RABGAP1L: variants seen among roughly 807,000 people sequenced by gnomAD.
RABGAP1L encodes rab GTPase-activating protein 1-like.
Under a neutral mutation model 137.7 loss-of-function variants are expected in RABGAP1L, and 63 were observed. That is an observed-to-expected ratio of 0.46 (90% CI 0.37 to 0.56). RABGAP1L has a LOEUF of 0.56. Ranked by LOEUF, RABGAP1L falls within the 20% of genes least tolerant of loss-of-function variation. The pLI is 0.00. For missense variants in RABGAP1L, 1,095 were observed against 1,244.0 expected, an observed-to-expected ratio of 0.88 and a Z score of 1.80; for synonymous variants, 431 against 433.7, an observed-to-expected ratio of 0.99 and a Z score of 0.08.
intron 1 of RABGAP1L, among the ~76,000 whole-genome samples, chr1:174,203,267 T>C (rs1263582429): frequency 6.6e-6 from 1 of 152,154 alleles, no homozygotes; most frequent in African/African-American, 2.4e-5. Context: ...TAGGGAGTCT[T>C]TTCCCCATTG....
At chr1:174,558,177 G>A (rs750162522) in intron 13 of RABGAP1L, among the ~76,000 whole-genome samples, 2 of 152,100 alleles carry the variant, frequency 1.3e-5, no homozygotes, top group African/African-American at 4.8e-5. Context: ...TTTGAGGCAC[G>A]GATATATCTC....
chr1:174,679,507 T>A (rs761261648), intron 14 of RABGAP1L, among the ~76,000 whole-genome samples: 4 of 152,204 alleles, frequency 2.6e-5, no homozygotes, highest in Non-Finnish European at 5.9e-5. Flanking sequence ...ACTTCTAAGA[T>A]CTGGAAGAAG....
intron 13 of RABGAP1L, among the ~76,000 whole-genome samples, chr1:174,602,388 A>T (rs1670479370): frequency 6.6e-6 from 1 of 152,100 alleles, no homozygotes; most frequent in African/African-American, 2.4e-5. Flanking sequence ...TATTCACTAC[A>T]CCAGAATAGC....
chr1:174,637,245 T>G, intron 13 of RABGAP1L, 130 bp from the exon 14 acceptor site: 1 of 636,054 alleles, frequency 1.6e-6, no homozygotes, highest in Non-Finnish European at 2.7e-6. Flanking sequence ...GGGTCTGGGA[T>G]AGAAGGGAAG....
intron 7 of RABGAP1L, among the ~76,000 whole-genome samples, chr1:174,264,244 G>C (rs1466529748): frequency 2.6e-5 from 4 of 151,378 alleles, no homozygotes; most frequent in Admixed American, 2.6e-4. Context: ...TATATATTTA[G>C]GTGAATTATT....
chr1:174,781,256 G>A (rs1267239805), intron 18 of RABGAP1L, among the ~76,000 whole-genome samples: 1 of 152,020 alleles, frequency 6.6e-6, no homozygotes, highest in African/African-American at 2.4e-5. Flanking sequence ...TTTAATGATC[G>A]CCATTCTAAC....
chr1:174,730,265 A>G (rs2148619162), intron 17 of RABGAP1L, among the ~76,000 whole-genome samples: 1 of 152,324 alleles, frequency 6.6e-6, no homozygotes, highest in South Asian at 2.1e-4. Context: ...CTACTCAGGG[A>G]CATAAAGATA....
chr1:174,702,783 G>C (rs1395350582), intron 17 of RABGAP1L, among the ~76,000 whole-genome samples: 5 of 151,932 alleles, frequency 3.3e-5, no homozygotes, highest in African/African-American at 9.7e-5. Flanking sequence ...TCAAAAATTA[G>C]TTTGTAAAAT....
rs561979858 is a variant in RABGAP1L, at chr1:174,971,360, G to T, written c.2544+1973G>T. On this transcript the variant is annotated intron_variant, in intron 21 of 25. Transcript: ENST00000681986. ...CCAAGAGAACCCTTTATGTGAGTCAGTCTGGAGTGACTGCCATTATAGGTA... is the reference window on the plus strand; with the variant it reads ...CCAAGAGAACCCTTTATGTGAGTCATTCTGGAGTGACTGCCATTATAGGTA... Among the ~76,000 whole-genome samples the T allele has an allele frequency of 7.2e-5, 11 of 152,084 alleles. No homozygotes were observed. In the East Asian group the frequency reaches 2.1e-3, roughly 29 times the overall value.
chr1:174,605,623 G>A (rs776462052), intron 13 of RABGAP1L, among the ~76,000 whole-genome samples: 2 of 152,044 alleles, frequency 1.3e-5, no homozygotes, highest in Non-Finnish European at 2.9e-5. Context: ...GGTCACAAAA[G>A]TTTTGGCACC....
intron 19 of RABGAP1L, among the ~76,000 whole-genome samples, chr1:174,921,097 A>AT (rs996084034): frequency 7.9e-5 from 12 of 151,938 alleles, no homozygotes; most frequent in South Asian, 2.1e-4. Context: ...TAATTTTTGT[A>AT]TTTTTTTAGT....
At chr1:174,767,621 TAAA>T (rs1685780180) in intron 18 of RABGAP1L, among the ~76,000 whole-genome samples, 3 of 152,048 alleles carry the variant, frequency 2.0e-5, no homozygotes, top group African/African-American at 7.2e-5. Flanking sequence ...CCTCCCAGGT[TAAA>T]TAGAACCAAC....
At chr1:174,851,986 A>T (rs1177090106) in intron 19 of RABGAP1L, among the ~76,000 whole-genome samples, 1 of 152,226 alleles carries the variant, frequency 6.6e-6, no homozygotes, top group Non-Finnish European at 1.5e-5. Flanking sequence ...CACTTAAATT[A>T]ACCCAATTTT....
chr1:174,503,593 G>A (rs1030435854), intron 13 of RABGAP1L, among the ~76,000 whole-genome samples: 4 of 143,132 alleles, frequency 2.8e-5, no homozygotes, highest in Non-Finnish European at 3.0e-5. Flanking sequence ...CTCGGGAGGC[G>A]GAGGTTGCTC....
Position 174,799,677 on chromosome 1 carries a change from C to T in RABGAP1L, c.2212-12155C>T, listed in dbSNP as rs1688548966. Among the ~76,000 whole-genome samples, 2 of 152,088 alleles carry T rather than the reference C, an allele frequency of 1.3e-5. 1 individual carries two copies. The highest frequency in any genetic ancestry group is 4.1e-4 in the South Asian group (2 of 4,822). On this transcript the variant is annotated intron_variant, in intron 18 of 25. Transcript: ENST00000681986. ...TATTACAGCATTCTCCCCTGAGACA[C>T]ACTCTGCATGCTCATTCACCTACCT...
At chr1:174,983,098 A>T (rs1044276746) in intron 24 of RABGAP1L, among the ~76,000 whole-genome samples, 193 bp downstream of exon 24, 1 of 152,218 alleles carries the variant, frequency 6.6e-6, no homozygotes, top group Non-Finnish European at 1.5e-5. Flanking sequence ...ATGCTCCCAT[A>T]AATCATATGG....
At chr1:174,625,024 A>C (rs541325291) in intron 13 of RABGAP1L, among the ~76,000 whole-genome samples, 2 of 151,940 alleles carry the variant, frequency 1.3e-5, no homozygotes, top group African/African-American at 4.8e-5. Flanking sequence ...GGCACCTGAC[A>C]CCACACCTGG....
At chr1:174,229,529 G>A (rs553300447) in intron 3 of RABGAP1L, among the ~76,000 whole-genome samples, 2 of 152,144 alleles carry the variant, frequency 1.3e-5, no homozygotes, top group African/African-American at 4.8e-5. Context: ...TGGGAATTTC[G>A]GTGTTTAAAC....
chr1:174,876,671 A>G (rs1161179784), intron 19 of RABGAP1L, among the ~76,000 whole-genome samples: 1 of 152,212 alleles, frequency 6.6e-6, no homozygotes, highest in Non-Finnish European at 1.5e-5. Context: ...CTAGCCTTAA[A>G]GATAAAAGAT....
Sources: allele counts gnomAD v4.1 joint callset (sites outside exome capture counted in the v4.1 genomes callset), GRCh38; gene constraint gnomAD v4.1.1; transcripts MANE v1.5; gene names NCBI Gene and HGNC (gene_info 2026-07-23, HGNC 2026-07-21).